CYBC1: variants seen among roughly 807,000 people sequenced by gnomAD.
CYBC1 encodes the protein essential for reactive oxygen species protein.
A neutral mutation model predicts 21.7 loss-of-function variants in CYBC1; 22 were observed. The ratio of observed to expected loss-of-function variants is 1.02; its 90% confidence interval spans 0.73 to 1.45. The LOEUF (loss-of-function observed/expected upper bound fraction) is 1.45, where lower values mean the gene tolerates loss of function less well. Ranked by LOEUF, CYBC1 falls within the 40% of genes most tolerant of loss-of-function variation. The pLI is 0.00. For missense variants in CYBC1, 237 were observed against 242.1 expected (o/e 0.98, Z 0.14); for synonymous variants, 112 against 98.7 (o/e 1.13, Z -0.80).
chr17:82,446,538 C>A, intron 4 of CYBC1, 85 bp downstream of exon 4: 4 of 1,322,262 alleles, frequency 3.0e-6, no homozygotes, highest in South Asian at 2.4e-5. Context: ...CCACCCAGGG[C>A]CCTTCCTCCT....
Position 82,449,170 on chromosome 17 carries a change from C to G in CYBC1, c.85G>C (p.Gly29Arg). 6.4e-7 allele frequency: 1 copy of G among 1,567,982 alleles called. No homozygotes were observed. Among genetic ancestry groups the G allele is most frequent in the South Asian group, 1.2e-5 (1 of 84,758 alleles). The change falls in exon 2 of 7, where the codon GGA becomes CGA. Residue 29 changes from glycine to arginine, a missense_variant and splice_region_variant. Physicochemically the swap from Gly to Arg is moderately radical, Grantham distance 125. Transcript: ENST00000306645. ...PGIRSWSLLV[G>R]ILSIGLAAAY... is the part of the protein sequence containing the mutation. ...TGGGGAGGGACGTGGAGAGCCTTAC[C>G]AACCAGCAGGGACCAGGACCGGATG...
At chr17:82,450,517 C>A (rs1225310269) in intron 1 of CYBC1, 183 bp downstream of exon 1, 1 of 152,224 alleles carries the variant, frequency 6.6e-6, no homozygotes, top group East Asian at 1.9e-4. Flanking sequence ...GGGGCGCTCC[C>A]GCCGCCGGGG....
intron 6 of CYBC1, 51 bp from the exon 7 acceptor site, chr17:82,444,175 A>G (rs374146971): frequency 1.4e-4 from 216 of 1,582,026 alleles, no homozygotes; most frequent in Middle Eastern, 1.8e-4. Context: ...GGCATAGGGC[A>G]CCGTGAGACC....
In CYBC1 at chr17:82,443,651, C is replaced by T. The variant is rs1463394540; in HGVS notation, c.*353G>A. On this transcript the variant is annotated 3_prime_UTR_variant, in exon 7 of 7. Transcript: ENST00000306645. This position sits in a 1 kb window ranked among gnomAD's most constrained non-coding sequence, Gnocchi z 6.7. ...GCTGCAGAAAGGCAGGCCCAGGCCT[C>T]ACGATGGAGAAAGTCTGGATGTCCT... The T allele has an allele frequency of 1.3e-6, 1 of 757,310 alleles. No homozygotes were observed. Among genetic ancestry groups the T allele is most frequent in the African/African-American group, 1.7e-5 (1 of 59,030 alleles). The allele number at this position is 757,310 out of a possible 1,614,324, so 46.9% of individuals were successfully genotyped here.
chr17:82,447,878 T>G (rs2054402921), intron 2 of CYBC1: 5 of 586,604 alleles, frequency 8.5e-6, no homozygotes, highest in South Asian at 8.4e-5. Flanking sequence ...GAAGAGCGCT[T>G]GAGCTCAGGA....
chr17:82,448,996 A>G (rs1344756934), intron 2 of CYBC1, 174 bp downstream of exon 2: 3 of 587,690 alleles, frequency 5.1e-6, no homozygotes, highest in Non-Finnish European at 5.9e-6. Context: ...ACAGACATGC[A>G]TTATCTGTAA....
At chr17:82,447,111 T>C (rs1599785449) in intron 3 of CYBC1, 1 of 298,838 alleles carries the variant, frequency 3.3e-6, no homozygotes, top group Non-Finnish European at 6.4e-6. Flanking sequence ...CCCAGCACTT[T>C]GGGAGGCCGA....
At chr17:82,449,140 G>C (rs1387182284) in intron 2 of CYBC1, 30 bp downstream of exon 2, 2 of 1,505,874 alleles carry the variant, frequency 1.3e-6, no homozygotes, top group South Asian at 2.6e-5. Flanking sequence ...CCGGTTCTGG[G>C]GTTCTGGGGA....
intron 1 of CYBC1, chr17:82,450,281 C>G (rs996621653): frequency 9.9e-5 from 15 of 151,672 alleles, no homozygotes; most frequent in African/African-American, 3.6e-4. Flanking sequence ...GACCGTGTCT[C>G]AAAAAAATAA....
At chr17:82,445,725 C>T (rs2054243235) in intron 5 of CYBC1, 139 bp downstream of exon 5, 1 of 625,078 alleles carries the variant, frequency 1.6e-6, no homozygotes, top group Non-Finnish European at 2.8e-6. Flanking sequence ...GCGGGCAGGA[C>T]ACAACCCTGG....
In CYBC1 at chr17:82,442,655, G is replaced by A. The variant is rs2054034725; in HGVS notation, c.*1349C>T. 1 of 1,431,132 alleles carries A rather than the reference G, an allele frequency of 7.0e-7. No homozygotes were observed. The highest frequency in any genetic ancestry group is 1.3e-5 in the South Asian group (1 of 75,054). 88.7% of individuals were successfully genotyped at this position (1,431,132 alleles called of 1,614,324 possible). On this transcript the variant is annotated 3_prime_UTR_variant, in exon 7 of 7. Transcript: ENST00000306645. The surrounding 1 kb of genome is among the most constrained non-coding windows in gnomAD (Gnocchi z 6.8). ...TGGAAGCTGCAGGTGACACGTGAAG[G>A]GTTATTTATGGTTATGATGACCCTG...
chr17:82,444,280 T>C, intron 6 of CYBC1, 156 bp from the exon 7 acceptor site: 1 of 1,420,228 alleles, frequency 7.0e-7, no homozygotes, highest in South Asian at 1.4e-5. Flanking sequence ...AGCCTCCCCG[T>C]CACAGTGGGG....
intron 1 of CYBC1, 22 bp from the exon 2 acceptor site, chr17:82,449,314 T>C: frequency 7.1e-7 from 1 of 1,404,200 alleles, no homozygotes; most frequent in Non-Finnish European, 9.5e-7. Context: ...CAGAGGCAGC[T>C]GAGCCCTTGG....
Position 82,443,885 on chromosome 17 carries a change from C to T in CYBC1, c.*119G>A, listed in dbSNP as rs1357540982. 17 of 615,116 alleles carry T rather than the reference C, an allele frequency of 2.8e-5. No homozygotes were observed. The highest frequency in any genetic ancestry group is 4.2e-5 in the Non-Finnish European group (15 of 353,650). The allele number at this position is 615,116 out of a possible 1,614,324, so 38.1% of individuals were successfully genotyped here. ...TGCCACGGGTCCTGTGGGCGGTGCA[C>T]GGGCTCAGGCACACCGGGAATGTGC... On this transcript the variant is annotated 3_prime_UTR_variant, in exon 7 of 7. Coordinates refer to ENST00000306645, the MANE Select transcript of CYBC1 (RefSeq NM_001033046.4). This position sits in a 1 kb window ranked among gnomAD's most constrained non-coding sequence, Gnocchi z 6.7.
intron 1 of CYBC1, chr17:82,450,010 G>C (rs186068406): frequency 6.6e-6 from 1 of 152,202 alleles, no homozygotes; most frequent in Non-Finnish European, 1.5e-5. Context: ...GGCTGGGCGC[G>C]GTGGCTCAGG....
At position 82,442,710 on chromosome 17, in the gene CYBC1, T is replaced by G. The variant is rs9648; in HGVS notation, c.*1294A>C. 0.075 allele frequency: 74,553 copies of G among 996,360 alleles called. 3,321 individuals are homozygous for G. The highest frequency in any genetic ancestry group is 0.17 in the East Asian group (6,715 of 40,596). The allele number at this position is 996,360 out of a possible 1,614,324, so 61.7% of individuals were successfully genotyped here. A position where few individuals can be genotyped will look rare whatever the true frequency, so the allele number is the denominator to read the frequency against. On this transcript the variant is annotated 3_prime_UTR_variant, in exon 7 of 7. Transcript: ENST00000306645. The surrounding 1 kb of genome is among the most constrained non-coding windows in gnomAD (Gnocchi z 6.8). ...GCAACGAGGGACTGGCAGCCACTACTGAGGAGGAGGGTCCCATCTCTCTCC... is the reference window on the plus strand; with the variant it reads ...GCAACGAGGGACTGGCAGCCACTACGGAGGAGGAGGGTCCCATCTCTCTCC...
intron 5 of CYBC1, 72 bp from the exon 6 acceptor site, chr17:82,444,663 T>G: frequency 1.3e-6 from 2 of 1,508,482 alleles, no homozygotes; most frequent in Non-Finnish European, 1.8e-6. Context: ...CCAGCGCCAC[T>G]GGCATCATCG....
chr17:82,445,660 A>G, intron 5 of CYBC1: 1 of 530,816 alleles, frequency 1.9e-6, no homozygotes, highest in Non-Finnish European at 3.4e-6. Context: ...AGGAGGCTCT[A>G]GGACCCTGCT....
chr17:82,444,378 G>A, intron 6 of CYBC1, 69 bp downstream of exon 6: 1 of 1,549,528 alleles, frequency 6.5e-7, no homozygotes. Flanking sequence ...CCATAGCTCT[G>A]GGCAGTCAGG....
Sources: gnomAD v4.1 joint callset for allele counts on GRCh38, gnomAD v4.1.1 for gene constraint, Gnocchi (gnomAD v3.1) non-coding constraint, MANE v1.5 for transcripts, NCBI Gene and HGNC (gene_info 2026-07-23, HGNC 2026-07-21) for gene names.